FREM2: variants seen among roughly 807,000 people sequenced by gnomAD.
FREM2 encodes the protein FRAS1-related extracellular matrix protein 2.
In FREM2, 119 loss-of-function variants were observed where a neutral mutation model predicts 219.9. That is an observed-to-expected ratio of 0.54 (90% CI 0.47 to 0.63). The LOEUF is 0.63. FREM2 is among the 30% of genes least tolerant of loss of function. The pLI is 0.00. For synonymous variants in FREM2, 1,562 were observed against 1,522.8 expected (o/e 1.03, Z -0.60); for missense variants, 4,030 against 3,993.6 (o/e 1.01, Z -0.25).
intron 2 of FREM2, among the ~76,000 whole-genome samples, chr13:38,724,066 C>T (rs1293884073): frequency 6.6e-6 from 1 of 152,132 alleles, no homozygotes; most frequent in Non-Finnish European, 1.5e-5. Flanking sequence ...AGATTTACTC[C>T]TTTGCTGAGT....
intron 2 of FREM2, among the ~76,000 whole-genome samples, chr13:38,723,079 AC>A (rs1470728561): frequency 1.4e-5 from 2 of 143,682 alleles, no homozygotes; most frequent in African/African-American, 5.9e-5. Context: ...AAAAACAAAT[AC>A]AAAAATTAGC....
chr13:38,716,291 A>T (rs1482294210), intron 2 of FREM2, among the ~76,000 whole-genome samples: 4 of 152,146 alleles, frequency 2.6e-5, no homozygotes, highest in African/African-American at 9.7e-5. Context: ...CAGCTCGTGC[A>T]GTGTGCTTTG....
intron 2 of FREM2, among the ~76,000 whole-genome samples, chr13:38,700,969 G>A (rs543067945): frequency 2.6e-5 from 4 of 151,882 alleles, no homozygotes; most frequent in African/African-American, 7.3e-5. Flanking sequence ...ACTCTTTCTT[G>A]GTATCATAGT....
At chr13:38,741,351 T>C (rs1055889834) in intron 2 of FREM2, among the ~76,000 whole-genome samples, 32 of 152,236 alleles carry the variant, frequency 2.1e-4, no homozygotes, top group African/African-American at 7.7e-4. Context: ...TAACATATTT[T>C]CAAATATGGA....
At chr13:38,804,933 C>T (rs1182471079) in intron 6 of FREM2, among the ~76,000 whole-genome samples, 2 of 152,134 alleles carry the variant, frequency 1.3e-5, no homozygotes, top group East Asian at 3.9e-4. Flanking sequence ...ATCAAACAAC[C>T]TTTCTTCTTA....
intron 2 of FREM2, among the ~76,000 whole-genome samples, chr13:38,750,171 G>C (rs980252947): frequency 6.6e-6 from 1 of 152,130 alleles, no homozygotes; most frequent in East Asian, 1.9e-4. Context: ...GAGTACCTCT[G>C]ATATGGTTTG....
Position 38,859,601 on chromosome 13 carries a change from G to A in FREM2, c.7519+11G>A, listed in dbSNP as rs1358932362. On this transcript the variant is annotated intron_variant, in intron 14 of 23. Transcript: ENST00000280481. ...TCAGCAGAGAAGAAGGTCAGTCATTGCCATTTTCCCCTGAAGATCACTGGA... is the reference window on the plus strand; with the variant it reads ...TCAGCAGAGAAGAAGGTCAGTCATTACCATTTTCCCCTGAAGATCACTGGA... 1 of 1,612,258 alleles carries A rather than the reference G, an allele frequency of 6.2e-7. No homozygotes were observed.
chr13:38,755,259 C>T (rs374546191), intron 2 of FREM2, among the ~76,000 whole-genome samples: 5 of 152,110 alleles, frequency 3.3e-5, no homozygotes, highest in Middle Eastern at 3.4e-3. Flanking sequence ...CCATAGTAAA[C>T]CCAGTTGCCC....
intron 6 of FREM2, among the ~76,000 whole-genome samples, chr13:38,831,501 T>G (rs1006610142): frequency 2.6e-5 from 4 of 152,200 alleles, no homozygotes; most frequent in African/African-American, 9.6e-5. Context: ...TATTGACTTT[T>G]CTTTACTCTC....
At chr13:38,742,609 C>T (rs1872293950) in intron 2 of FREM2, among the ~76,000 whole-genome samples, 1 of 152,146 alleles carries the variant, frequency 6.6e-6, no homozygotes, top group African/African-American at 2.4e-5. Context: ...TGCATTTGCC[C>T]TGTTTCCTGT....
intron 11 of FREM2, among the ~76,000 whole-genome samples, chr13:38,852,895 G>A (rs886629074): frequency 2.0e-5 from 3 of 151,552 alleles, no homozygotes; most frequent in African/African-American, 4.8e-5. Context: ...TGGTAGAGAT[G>A]GGGTTTTACC....
chr13:38,789,405 A>T (rs954736627), intron 6 of FREM2, among the ~76,000 whole-genome samples: 3 of 151,756 alleles, frequency 2.0e-5, no homozygotes, highest in African/African-American at 7.2e-5. Context: ...TTGCATGTCT[A>T]TTTATGTATC....
At chr13:38,697,600 C>CA in intron 1 of FREM2, 98 bp from the exon 2 acceptor site, 1 of 745,576 alleles carries the variant, frequency 1.3e-6, no homozygotes, top group Non-Finnish European at 2.4e-6. Flanking sequence ...GGAATTTAAA[C>CA]ATGTTTATAG....
At chr13:38,720,015 C>G (rs2138106206) in intron 2 of FREM2, among the ~76,000 whole-genome samples, 1 of 152,152 alleles carries the variant, frequency 6.6e-6, no homozygotes, top group Admixed American at 6.5e-5. Context: ...GAAGGTTTAC[C>G]AACAACATAT....
intron 6 of FREM2, among the ~76,000 whole-genome samples, chr13:38,786,678 T>C (rs1024805244): frequency 7.9e-5 from 12 of 152,208 alleles, no homozygotes; most frequent in African/African-American, 1.2e-4. Context: ...TCAGTTTGTT[T>C]TTTTTGGCAA....
chr13:38,848,619 C>G lies in FREM2; in HGVS notation c.6328C>G (p.Leu2110Val). Residue 2110 changes from leucine (L) to valine (V), a missense_variant, in exon 8 of 24, where the codon CTT becomes GTT. Leu to Val is a conservative substitution (Grantham distance 32, BLOSUM62 1). This residue lies in a region of FREM2 where 3,102 missense variants were observed against 2,950.7 expected (regional missense o/e 1.05). Transcript: ENST00000280481. ...LVLRMPMNAA[L>V]GEPSKATVSI... is the part of the protein sequence containing the mutation. ...GCTTCGCATGCCTATGAACGCAGCC[C>G]TTGGCGAGCCCAGCAAAGCCACAGT... is the stretch of plus-strand genomic sequence containing the variant. 6.2e-7 allele frequency: 1 copy of G among 1,614,024 alleles called. No individual in the cohort carries two copies. The highest frequency in any genetic ancestry group is 8.5e-7 in the Non-Finnish European group (1 of 1,179,946).
At position 38,689,828 on chromosome 13, in the gene FREM2, G is replaced by T; in HGVS notation, c.2484G>T (p.Gln828His). 5 of 1,614,118 alleles carry T rather than the reference G, an allele frequency of 3.1e-6. No homozygotes were observed. Among genetic ancestry groups the T allele is most frequent in the Non-Finnish European group, 4.2e-6 (5 of 1,180,030 alleles). ...TTTACTTGCATCCCGTGGACAACCA[G>T]CCACCTGAGATCCTCAACACCGGCT... ...FTLYLHPVDN[Q>H]PPEILNTGFT... Residue 828 changes from glutamine to histidine, a missense_variant, in exon 1 of 24, where the codon CAG becomes CAT. Gln to His is a conservative substitution (Grantham distance 24, BLOSUM62 0). This residue lies in a region of FREM2 where 3,102 missense variants were observed against 2,950.7 expected (regional missense o/e 1.05). Coordinates refer to ENST00000280481, the MANE Select transcript of FREM2 (RefSeq NM_207361.6).
chr13:38,805,087 A>T (rs1467482419), intron 6 of FREM2, among the ~76,000 whole-genome samples: 1 of 152,138 alleles, frequency 6.6e-6, no homozygotes, highest in Non-Finnish European at 1.5e-5. Context: ...AAGCAAAAGA[A>T]AAATAAGAGT....
chr13:38,819,768 G>A (rs528912042), intron 6 of FREM2, among the ~76,000 whole-genome samples: 2 of 152,084 alleles, frequency 1.3e-5, no homozygotes, highest in South Asian at 4.1e-4. Flanking sequence ...ATTATGCCTG[G>A]GTTTTATCAT....
Sources: allele counts gnomAD v4.1 joint callset (sites outside exome capture counted in the v4.1 genomes callset), GRCh38; gene constraint gnomAD v4.1.1; regional missense constraint gnomAD v4.1.1; transcripts MANE v1.5; gene names NCBI Gene and HGNC (gene_info 2026-07-23, HGNC 2026-07-21).